Variants in ELOVL3 observed in about 807,000 individuals in gnomAD.
ELOVL3 encodes very long chain fatty acid elongase 3.
A neutral mutation model predicts 14.9 loss-of-function variants in ELOVL3; 11 were observed. That is an observed-to-expected ratio of 0.74 (90% CI 0.46 to 1.22). The LOEUF is 1.22. Ranked by LOEUF, ELOVL3 falls within the 50% of genes most tolerant of loss-of-function variation. The pLI is 0.00. For missense variants in ELOVL3, 277 were observed against 338.9 expected (o/e 0.82, Z 1.43); for synonymous variants, 117 against 124.7 (o/e 0.94, Z 0.41).
rs762083767 is a variant in ELOVL3 at position 102,226,650 on chromosome 10, G to A, written c.101+1G>A. On this transcript the variant is annotated splice_donor_variant, in intron 1 of 3. Coordinates refer to ENST00000370005, the MANE Select transcript of ELOVL3 (RefSeq NM_152310.3). LOFTEE classifies it high-confidence loss of function. ...TGAGGCCCTTTTTCGAGGAGTATTGGTGAGACTTTGGGAGAGGGAAAGGCC... is the reference window on the plus strand; with the variant it reads ...TGAGGCCCTTTTTCGAGGAGTATTGATGAGACTTTGGGAGAGGGAAAGGCC... 4 of 1,613,048 alleles carry A rather than the reference G, an allele frequency of 2.5e-6. No individual in the cohort carries two copies. In the South Asian group the frequency reaches 3.3e-5, roughly 13 times the overall value.
intron 2 of ELOVL3, 40 bp from the exon 3 acceptor site, chr10:102,228,376 TG>T: frequency 6.3e-7 from 1 of 1,598,312 alleles, no homozygotes. Context: ...TATTGGTGCC[TG>T]GGGATGACAC....
chr10:102,227,752 C>A lies in ELOVL3; in HGVS notation c.228C>A (p.Ile76=). 6.2e-7 allele frequency: 1 copy of A among 1,613,720 alleles called. No individual in the cohort carries two copies. The highest frequency in any genetic ancestry group is 1.1e-5 in the South Asian group (1 of 91,068). ...TCCTCTGGTCCTTCTGCCTTGCAATCTTCAGGTAAGACCCCATCCCACTCC... is the reference window on the plus strand; with the variant it reads ...TCCTCTGGTCCTTCTGCCTTGCAATATTCAGGTAAGACCCCATCCCACTCC... The part of the protein sequence containing the change: ...PLILWSFCLA[I]FSILGAVRMW... Residue 76 remains isoleucine, a synonymous_variant, in exon 2 of 4, where the codon ATC becomes ATA. Transcript: ENST00000370005.
chr10:102,224,969 C>A (rs1590401563), upstream of ELOVL3, among the ~76,000 whole-genome samples: 1 of 152,124 alleles, frequency 6.6e-6, no homozygotes, highest in East Asian at 1.9e-4. Flanking sequence ...GGCCGAACCA[C>A]TGAAGGTTTT....
chr10:102,229,270 T>C lies in ELOVL3; in HGVS notation c.*18T>C. On this transcript the variant is annotated 3_prime_UTR_variant, in exon 4 of 4. Coordinates refer to ENST00000370005, the MANE Select transcript of ELOVL3 (RefSeq NM_152310.3). The stretch of plus-strand genomic sequence containing the variant: ...GCCAGTGAAGGTTTGGAGAGAACAA[T>C]GAAGCTCCAGGCTCTCTCTTCTCCA... 5 of 1,587,400 alleles carry C rather than the reference T, an allele frequency of 3.1e-6. No homozygotes were observed. Among genetic ancestry groups the C allele is most frequent in the Non-Finnish European group, 4.3e-6 (5 of 1,164,548 alleles).
chr10:102,228,209 C>G (rs921218614), intron 2 of ELOVL3, among the ~76,000 whole-genome samples: 2 of 152,178 alleles, frequency 1.3e-5, no homozygotes, highest in African/African-American at 4.8e-5. Context: ...CCTGCATTCC[C>G]TGATCTTTCT....
chr10:102,228,651 G>T, intron 3 of ELOVL3, 83 bp downstream of exon 3: 1 of 1,540,066 alleles, frequency 6.5e-7, no homozygotes, highest in South Asian at 1.2e-5. Flanking sequence ...CCCATGGAGG[G>T]TCTCTTTCCT....
chr10:102,226,392 C>A lies in ELOVL3; in HGVS notation c.-157C>A. On this transcript the variant is annotated 5_prime_UTR_variant, in exon 1 of 4. Transcript: ENST00000370005. ...CGCCCGGGATAGCTGGCTGCGCCGCCGCGCACATGCCTAGGTTCGACGCCC... is the reference window on the plus strand; with the variant it reads ...CGCCCGGGATAGCTGGCTGCGCCGCAGCGCACATGCCTAGGTTCGACGCCC... 3.4e-6 allele frequency: 2 copies of A among 584,454 alleles called. No homozygotes were observed. The highest frequency in any genetic ancestry group is 6.1e-6 in the Non-Finnish European group (2 of 329,064). 36.2% of individuals were successfully genotyped at this position (584,454 alleles called of 1,614,324 possible). A position where few individuals can be genotyped will look rare whatever the true frequency, so the allele number is the denominator to read the frequency against.
intron 1 of ELOVL3, among the ~76,000 whole-genome samples, 157 bp from the exon 2 acceptor site, chr10:102,227,469 C>T: frequency 6.6e-6 from 1 of 152,098 alleles, no homozygotes. Context: ...ATGAGGAAGC[C>T]AAGGCTCAGA....
chr10:102,228,035 A>T (rs1296586702), intron 2 of ELOVL3, among the ~76,000 whole-genome samples: 1 of 151,990 alleles, frequency 6.6e-6, no homozygotes, highest in Non-Finnish European at 1.5e-5. Context: ...CCAGCCTCTA[A>T]TAGTGTCACC....
chr10:102,227,752 C>T lies in ELOVL3; in HGVS notation c.228C>T (p.Ile76=). 6.2e-7 allele frequency: 1 copy of T among 1,613,720 alleles called. No homozygotes were observed. The highest frequency in any genetic ancestry group is 8.5e-7 in the Non-Finnish European group (1 of 1,179,824). Residue 76 remains isoleucine, a synonymous_variant, in exon 2 of 4, where the codon ATC becomes ATT. Transcript: ENST00000370005. ...PLILWSFCLA[I]FSILGAVRMW... is the part of the protein sequence containing the mutation. ...TCCTCTGGTCCTTCTGCCTTGCAAT[C>T]TTCAGGTAAGACCCCATCCCACTCC...
intron 1 of ELOVL3, 62 bp from the exon 2 acceptor site, chr10:102,227,564 A>C: frequency 6.4e-7 from 1 of 1,557,522 alleles, no homozygotes. Flanking sequence ...TGGAGAGATG[A>C]GTGGGCATTT....
chr10:102,227,351 A>G (rs938072233), intron 1 of ELOVL3, among the ~76,000 whole-genome samples: 3 of 152,020 alleles, frequency 2.0e-5, no homozygotes, highest in African/African-American at 7.2e-5. Context: ...CTCTAACCCC[A>G]CTGAGAGAGC....
rs201117643 is a variant in ELOVL3 at position 102,228,986 on chromosome 10, A to G, written c.547A>G (p.Thr183Ala). 92 of 1,613,902 alleles carry G rather than the reference A, an allele frequency of 5.7e-5. No individual in the cohort carries two copies. The highest frequency in any genetic ancestry group is 1.6e-4 in the Middle Eastern group (1 of 6,084). ...CTTTGGTGTTCATGCCATCATGTACACCTACTACACTCTGAAGGCTGCCAA... is the reference window on the plus strand; with the variant it reads ...CTTTGGTGTTCATGCCATCATGTACGCCTACTACACTCTGAAGGCTGCCAA... ...MNFGVHAIMY[T>A]YYTLKAANVK... is the part of the protein sequence containing the mutation. Residue 183 changes from threonine (T) to alanine (A), a missense_variant, in exon 4 of 4, where the codon ACC (threonine) becomes GCC (alanine). Thr to Ala is a moderately conservative substitution (Grantham distance 58). Coordinates refer to ENST00000370005, the MANE Select transcript of ELOVL3 (RefSeq NM_152310.3).
rs144831751 is a variant in ELOVL3, at chr10:102,229,160, A to G, written c.721A>G (p.Ile241Val). Residue 241 changes from isoleucine (I) to valine (V), a missense_variant, in exon 4 of 4, where the codon ATC becomes GTC. Transcript: ENST00000370005. ...TTMEHLFWSFILYMTYFILFA... is the reference protein window; with the variant it reads ...TTMEHLFWSFVLYMTYFILFA... Reference sequence around the variant, plus strand: ...GATGGAACACTTATTCTGGTCCTTCATCTTGTATATGACCTATTTCATCCT... The same window carrying G: ...GATGGAACACTTATTCTGGTCCTTCGTCTTGTATATGACCTATTTCATCCT... The G allele has an allele frequency of 4.1e-4, 661 of 1,613,986 alleles. No homozygotes were observed. The highest frequency in any genetic ancestry group is 5.1e-4 in the Non-Finnish European group (605 of 1,180,042).
rs1011625703 is a variant in ELOVL3 at position 102,229,321 on chromosome 10, T to A, written c.*69T>A. 2.1e-6 allele frequency: 3 copies of A among 1,455,974 alleles called. No individual in the cohort carries two copies. The highest frequency in any genetic ancestry group is 2.8e-6 in the Non-Finnish European group (3 of 1,080,046). The allele number at this position is 1,455,974 out of a possible 1,614,324, so 90.2% of individuals were successfully genotyped here. Reference sequence around the variant, plus strand: ...GGGCACCAAGAGGCTGGGCTTAGTTTTGGGAGAATGATTAGGTTGCCTTAC... The same window carrying A: ...GGGCACCAAGAGGCTGGGCTTAGTTATGGGAGAATGATTAGGTTGCCTTAC... On this transcript the variant is annotated 3_prime_UTR_variant, in exon 4 of 4. Coordinates refer to ENST00000370005, the MANE Select transcript of ELOVL3 (RefSeq NM_152310.3).
chr10:102,228,664 C>T (rs2070161498), intron 3 of ELOVL3, 96 bp downstream of exon 3: 2 of 1,497,564 alleles, frequency 1.3e-6, no homozygotes, highest in Admixed American at 1.8e-5. Flanking sequence ...TCTTTCCTAC[C>T]CTTGGGTCCC....
rs1291485359 is a variant in ELOVL3, at chr10:102,229,090, C to CA, written c.652dup (p.Ile218AsnfsTer61). The CA allele has an allele frequency of 6.2e-7, 1 of 1,614,090 alleles. No individual in the cohort carries two copies. The highest frequency in any genetic ancestry group is 8.5e-7 in the Non-Finnish European group (1 of 1,180,036). ...AGATGTTTGTAGGAGCCATCGTCAG[C>CA]ATCCTCACGTACATCTGGAGGCAGG... On this transcript the variant is annotated frameshift_variant, in exon 4 of 4. Transcript: ENST00000370005. LOFTEE classifies it low-confidence loss of function (END_TRUNC).
chr10:102,226,669 A>G lies in ELOVL3; in HGVS notation c.101+20A>G. The stretch of plus-strand genomic sequence containing the variant: ...GTATTGGTGAGACTTTGGGAGAGGG[A>G]AAGGCCATGCCAGGGCCCCGGGGCC... On this transcript the variant is annotated intron_variant, in intron 1 of 3. Coordinates refer to ENST00000370005, the MANE Select transcript of ELOVL3 (RefSeq NM_152310.3). 1 of 1,596,372 alleles carries G rather than the reference A, an allele frequency of 6.3e-7. No homozygotes were observed. The highest frequency in any genetic ancestry group is 8.6e-7 in the Non-Finnish European group (1 of 1,164,930).
upstream of ELOVL3, among the ~76,000 whole-genome samples, chr10:102,225,928 T>C (rs956703139): frequency 6.6e-6 from 1 of 151,908 alleles, no homozygotes; most frequent in African/African-American, 2.4e-5. Flanking sequence ...TATTTGCTCA[T>C]CACAGGCCTG....
Sources: gnomAD v4.1 joint callset for allele counts (sites outside exome capture counted in the v4.1 genomes callset) on GRCh38, gnomAD v4.1.1 for gene constraint, MANE v1.5 for transcripts, NCBI Gene and HGNC (gene_info 2026-07-23, HGNC 2026-07-21) for gene names.